The following CRTAC1 variants were observed in gnomAD, a reference collection of about 807,000 sequenced individuals.
CRTAC1 encodes the protein cartilage acidic protein 1.
Under a neutral mutation model 67.8 loss-of-function variants are expected in CRTAC1, and 37 were observed. The observed-to-expected ratio is 0.55, with a 90% CI of 0.42 to 0.72. The LOEUF is 0.72. CRTAC1 is among the 30% of genes least tolerant of loss of function. The pLI is 0.00. For missense variants in CRTAC1, 780 were observed against 931.6 expected, an observed-to-expected ratio of 0.84 and a Z score of 2.12; for synonymous variants, 348 against 371.0, an observed-to-expected ratio of 0.94 and a Z score of 0.71.
intron 11 of CRTAC1, among the ~76,000 whole-genome samples, chr10:97,885,908 G>A (rs1365256182): frequency 1.3e-5 from 2 of 152,198 alleles, no homozygotes; most frequent in Non-Finnish European, 2.9e-5. Flanking sequence ...GATACTGTTA[G>A]AAAACAAATT....
At chr10:97,949,004 C>G (rs1351382684) in intron 2 of CRTAC1, among the ~76,000 whole-genome samples, 1 of 152,142 alleles carries the variant, frequency 6.6e-6, no homozygotes, top group Non-Finnish European at 1.5e-5. Context: ...AATTCCCTCC[C>G]ACAGCACATG....
intron 1 of CRTAC1, among the ~76,000 whole-genome samples, chr10:98,023,950 G>A (rs1279748395): frequency 1.3e-5 from 2 of 152,178 alleles, no homozygotes; most frequent in African/African-American, 2.4e-5. Flanking sequence ...CTATAAGAGC[G>A]CCTCTGCCCT....
chr10:98,030,335 T>A lies in CRTAC1; in HGVS notation c.24+114A>T. ...GCCGCCGCCTTCGCGATCCCAGTCT[T>A]CCCGGGTTCCCGGGCGGCGTCCCCG... On this transcript the variant is annotated intron_variant, in intron 1 of 14. Coordinates refer to ENST00000370597, the MANE Select transcript of CRTAC1 (RefSeq NM_018058.7). This position sits in a 1 kb window ranked among gnomAD's most constrained non-coding sequence, Gnocchi z 4.2. 1.6e-6 allele frequency: 1 copy of A among 641,632 alleles called. No individual in the cohort carries two copies. 39.7% of individuals were successfully genotyped at this position (641,632 alleles called of 1,614,324 possible).
At chr10:97,996,849 G>A (rs1246451281) in intron 2 of CRTAC1, among the ~76,000 whole-genome samples, 1 of 152,056 alleles carries the variant, frequency 6.6e-6, no homozygotes, top group Admixed American at 6.6e-5. Flanking sequence ...GTCCAACAAT[G>A]ATAGATTGGA....
At chr10:97,950,557 C>A (rs1299228633) in intron 2 of CRTAC1, among the ~76,000 whole-genome samples, 1 of 152,098 alleles carries the variant, frequency 6.6e-6, no homozygotes, top group East Asian at 1.9e-4. Flanking sequence ...GTTGGACAGG[C>A]AAGGAGACAC....
intron 2 of CRTAC1, among the ~76,000 whole-genome samples, chr10:97,956,492 G>C (rs1391438249): frequency 6.6e-6 from 1 of 152,068 alleles, no homozygotes; most frequent in East Asian, 1.9e-4. Flanking sequence ...GCCTGCTGTT[G>C]GGCATCTTTA....
At chr10:97,903,453 A>C (rs932288857) in intron 7 of CRTAC1, among the ~76,000 whole-genome samples, 1 of 151,778 alleles carries the variant, frequency 6.6e-6, no homozygotes, top group Admixed American at 6.6e-5. Context: ...GGCTCAGGGC[A>C]TGCCTCTTCC....
chr10:97,974,380 G>T (rs1030357251), intron 2 of CRTAC1, among the ~76,000 whole-genome samples: 1 of 152,150 alleles, frequency 6.6e-6, no homozygotes, highest in Non-Finnish European at 1.5e-5. Context: ...TGAGGTTCAC[G>T]TGCACTCAGG....
In CRTAC1 at chr10:97,884,247, G is replaced by A. The variant is rs746218337; in HGVS notation, c.1591C>T (p.Pro531Ser). 15 of 1,566,890 alleles carry A rather than the reference G, an allele frequency of 9.6e-6. No homozygotes were observed. The African/African-American group carries it at 2.0e-4, about 21-fold the overall frequency. ...TCCTGAAGTGTGTCCTCATCCCGGG[G>A]GTAGAGGATCTCCAGCACTGAGTTC... ...EMNSVLEILY[P>S]RDEDTLQDPA... Residue 531 changes from proline to serine, a missense_variant, in exon 12 of 15, where the codon CCC becomes TCC. Pro to Ser is a moderately conservative substitution (Grantham distance 74). Transcript: ENST00000370597.
chr10:97,980,248 C>T (rs913709367), intron 2 of CRTAC1, among the ~76,000 whole-genome samples: 1 of 152,172 alleles, frequency 6.6e-6, no homozygotes, highest in Non-Finnish European at 1.5e-5. Flanking sequence ...ACTTGGCACA[C>T]CCACCCTCAT....
chr10:97,969,451 C>G (rs560668948), intron 2 of CRTAC1, among the ~76,000 whole-genome samples: 3 of 152,320 alleles, frequency 2.0e-5, no homozygotes, highest in South Asian at 2.1e-4. Context: ...TCTCTTTCTC[C>G]TCCTCTCTTT....
chr10:97,869,051 G>A (rs1438490428), intron 14 of CRTAC1: 1 of 152,236 alleles, frequency 6.6e-6, no homozygotes, highest in Admixed American at 6.5e-5. Flanking sequence ...TTTGAATCTA[G>A]GCAATCTGAC....
At chr10:97,956,426 C>T (rs1020221682) in intron 2 of CRTAC1, among the ~76,000 whole-genome samples, 3 of 152,160 alleles carry the variant, frequency 2.0e-5, no homozygotes, top group Admixed American at 6.5e-5. Context: ...GCTGTGCTGT[C>T]AATCCGGCAC....
chr10:97,950,526 C>G (rs1383498811), intron 2 of CRTAC1, among the ~76,000 whole-genome samples: 1 of 152,188 alleles, frequency 6.6e-6, no homozygotes, highest in East Asian at 1.9e-4. Flanking sequence ...CTGCTGTAAG[C>G]CAGCGTGGTC....
chr10:97,889,130 A>G (rs1171558154), intron 11 of CRTAC1, among the ~76,000 whole-genome samples: 3 of 2,048 alleles, frequency 1.5e-3, no homozygotes, highest in South Asian at 7.0e-3. Context: ...GCGGGAGGGA[A>G]GGGGGGGAGG....
intron 3 of CRTAC1, among the ~76,000 whole-genome samples, chr10:97,934,411 C>G (rs1447588158): frequency 6.6e-6 from 1 of 152,212 alleles, no homozygotes; most frequent in Non-Finnish European, 1.5e-5. Context: ...AAACACCACT[C>G]AGGGCTGTGG....
intron 14 of CRTAC1, among the ~76,000 whole-genome samples, chr10:97,876,770 G>A (rs567708147): frequency 2.6e-5 from 4 of 152,222 alleles, no homozygotes; most frequent in East Asian, 3.9e-4. Flanking sequence ...GGGCTCCCAC[G>A]GGTCTCAGAG....
intron 7 of CRTAC1, among the ~76,000 whole-genome samples, chr10:97,903,470 A>G (rs1198983839): frequency 1.3e-5 from 2 of 151,764 alleles, no homozygotes; most frequent in African/African-American, 4.8e-5. Flanking sequence ...TTCCCAGCCC[A>G]GGGAGCCTGA....
At position 97,975,842 on chromosome 10, in the gene CRTAC1, C is replaced by T. The variant is rs1341125290; in HGVS notation, c.224+35296G>A. ...CACACTCGGTGAGCGTGCTCCTGGG[C>T]CCCCAATGAGGAGCTAGCTCCCGGC... is the stretch of plus-strand genomic sequence containing the variant. On this transcript the variant is annotated intron_variant, in intron 2 of 14. Coordinates refer to ENST00000370597, the MANE Select transcript of CRTAC1 (RefSeq NM_018058.7). The surrounding 1 kb of genome is among the most constrained non-coding windows in gnomAD (Gnocchi z 4.8). Among the ~76,000 whole-genome samples, 1 of 152,176 alleles carries T rather than the reference C, an allele frequency of 6.6e-6. No homozygotes were observed. The highest frequency in any genetic ancestry group is 2.4e-5 in the African/African-American group (1 of 41,448).
Sources: allele counts gnomAD v4.1 joint callset (sites outside exome capture counted in the v4.1 genomes callset), GRCh38; gene constraint gnomAD v4.1.1; non-coding constraint Gnocchi (gnomAD v3.1); transcripts MANE v1.5; gene names NCBI Gene and HGNC (gene_info 2026-07-23, HGNC 2026-07-21).